GUCY1A1: variants seen among roughly 807,000 people sequenced by gnomAD.
GUCY1A1 encodes the protein guanylate cyclase soluble subunit alpha-1.
In GUCY1A1, 48 loss-of-function variants were observed where a neutral mutation model predicts 64.5. The observed-to-expected ratio is 0.74, with a 90% CI of 0.59 to 0.95. The LOEUF (loss-of-function observed/expected upper bound fraction) is 0.95. Among genes scored for constraint, GUCY1A1 ranks in the 40% least tolerant of loss-of-function variants. GUCY1A1 has a pLI of 0.00. For synonymous variants in GUCY1A1, 308 were observed against 303.4 expected (o/e 1.02, Z -0.16); for missense variants, 804 against 825.3 (o/e 0.97, Z 0.32).
chr4:155,703,740 T>G lies in GUCY1A1; in HGVS notation c.256-192T>G, dbSNP rs143523844. ...AGATTAGTCTCAGCACATTGCTTCCTCTCCAGTTTGAAAAACACATAGAAA... is the reference window on the plus strand; with the variant it reads ...AGATTAGTCTCAGCACATTGCTTCCGCTCCAGTTTGAAAAACACATAGAAA... On this transcript the variant is annotated intron_variant, in intron 3 of 9. Coordinates refer to ENST00000506455, the MANE Select transcript of GUCY1A1 (RefSeq NM_001130682.3). 1.4e-3 allele frequency among the ~76,000 whole-genome samples: 209 copies of G among 152,246 alleles called. 1 individual carries two copies. Among genetic ancestry groups the G allele is most frequent in the Admixed American group, 4.6e-3 (70 of 15,286 alleles).
chr4:155,706,012 A>C (rs560116041), intron 4 of GUCY1A1, among the ~76,000 whole-genome samples: 33 of 152,140 alleles, frequency 2.2e-4, no homozygotes, highest in Non-Finnish European at 1.8e-4. Context: ...GTTTACTCAA[A>C]ATTTATTCTC....
At chr4:155,678,701 C>G (rs1252044075) in intron 2 of GUCY1A1, among the ~76,000 whole-genome samples, 1 of 152,138 alleles carries the variant, frequency 6.6e-6, no homozygotes, top group Admixed American at 6.5e-5. Flanking sequence ...GCAAGTTTTC[C>G]TGATGATTTG....
chr4:155,671,944 C>A (rs556941224), intron 2 of GUCY1A1, among the ~76,000 whole-genome samples: 2 of 152,020 alleles, frequency 1.3e-5, no homozygotes, highest in East Asian at 3.9e-4. Flanking sequence ...AGAGGACTGT[C>A]CTCTGATATA....
chr4:155,721,938 G>A, intron 8 of GUCY1A1, 100 bp from the exon 9 acceptor site: 8 of 840,080 alleles, frequency 9.5e-6, no homozygotes, highest in Middle Eastern at 4.6e-4. Context: ...GGTGTCCTGA[G>A]GGTGAATGGT....
At chr4:155,685,603 G>GTTTTTT (rs70954055) in intron 2 of GUCY1A1, among the ~76,000 whole-genome samples, 97 of 108,754 alleles carry the variant, frequency 8.9e-4, no homozygotes, top group Admixed American at 1.3e-3. Flanking sequence ...TTCTCCTTGT[G>GTTTTTT]TTTTTTTTTT....
chr4:155,712,380 C>T (rs1430714612), intron 6 of GUCY1A1, among the ~76,000 whole-genome samples: 1 of 152,162 alleles, frequency 6.6e-6, no homozygotes, highest in African/African-American at 2.4e-5. Flanking sequence ...GATCCATCCG[C>T]CTCGTTCTCC....
intron 9 of GUCY1A1, among the ~76,000 whole-genome samples, chr4:155,728,785 C>T (rs1735112187): frequency 6.6e-6 from 1 of 151,750 alleles, no homozygotes; most frequent in Non-Finnish European, 1.5e-5. Flanking sequence ...CACAACTGTC[C>T]TAAGGAATAT....
Position 155,695,526 on chromosome 4 carries a change from G to A in GUCY1A1, c.-112-1230G>A, listed in dbSNP as rs1730301430. ...CTAAGTTGATTAACAAAGCCCGATTGTGTAGAAACTGCTCTAATTTAGTAA... is the reference window on the plus strand; with the variant it reads ...CTAAGTTGATTAACAAAGCCCGATTATGTAGAAACTGCTCTAATTTAGTAA... On this transcript the variant is annotated intron_variant, in intron 2 of 9. Coordinates refer to ENST00000506455, the MANE Select transcript of GUCY1A1 (RefSeq NM_001130682.3). 1.3e-5 allele frequency among the ~76,000 whole-genome samples: 2 copies of A among 152,160 alleles called. 1 individual carries two copies. The highest frequency in any genetic ancestry group is 4.8e-5 in the African/African-American group (2 of 41,436).
intron 5 of GUCY1A1, among the ~76,000 whole-genome samples, chr4:155,708,732 C>G (rs754875479): frequency 1.3e-5 from 2 of 152,096 alleles, no homozygotes; most frequent in African/African-American, 2.4e-5. Context: ...GCTGTCCTTT[C>G]CAAAGTTTCA....
At chr4:155,686,476 G>A (rs144043950) in intron 2 of GUCY1A1, among the ~76,000 whole-genome samples, 1,579 of 152,228 alleles carry the variant, frequency 0.01, 28 homozygotes, top group African/African-American at 0.036. Flanking sequence ...GCGAGACTCC[G>A]TCTCAAAAAA....
At chr4:155,697,218 TC>T (rs1171300559) in intron 3 of GUCY1A1, 96 bp downstream of exon 3, 2 of 850,644 alleles carry the variant, frequency 2.4e-6, no homozygotes, top group Non-Finnish European at 3.8e-6. Flanking sequence ...TTTCTCACTT[TC>T]AAGGCTACAA....
rs112225238 is a variant in GUCY1A1, at chr4:155,709,286, G to C, written c.376+992G>C. 7.4e-3 allele frequency among the ~76,000 whole-genome samples: 1,121 copies of C among 152,158 alleles called. 12 individuals are homozygous for C. Among genetic ancestry groups the C allele is most frequent in the African/African-American group, 0.023 (939 of 41,514 alleles). On this transcript the variant is annotated intron_variant, in intron 5 of 9. Transcript: ENST00000506455. ...TCTCAAAGAGTCTTTCTTATAAGACGGCCTGACCCAAACCAAGACTCCTTT... is the reference window on the plus strand; with the variant it reads ...TCTCAAAGAGTCTTTCTTATAAGACCGCCTGACCCAAACCAAGACTCCTTT...
intron 3 of GUCY1A1, among the ~76,000 whole-genome samples, chr4:155,702,305 G>T (rs1478276684): frequency 1.3e-5 from 2 of 152,008 alleles, no homozygotes; most frequent in African/African-American, 4.8e-5. Flanking sequence ...AGCCACTCAT[G>T]CTTTCATGGA....
chr4:155,706,133 A>AT (rs1281996801), intron 4 of GUCY1A1, among the ~76,000 whole-genome samples: 1 of 152,094 alleles, frequency 6.6e-6, no homozygotes, highest in African/African-American at 2.4e-5. Flanking sequence ...AACAATAATT[A>AT]TTTTTTTGAA....
intron 4 of GUCY1A1, among the ~76,000 whole-genome samples, chr4:155,705,024 C>T (rs894981544): frequency 6.6e-6 from 1 of 152,220 alleles, no homozygotes; most frequent in Non-Finnish European, 1.5e-5. Context: ...GCTGGGACTA[C>T]AGGCATGTGC....
rs558730192 is a variant in GUCY1A1, at chr4:155,680,373, G to A, written c.-113+12954G>A. Reference sequence around the variant, plus strand: ...TAATGGAATTTTGTATATCAGTCTTGTATCCTGAAACATTGCTTAATTTAC... The same window carrying A: ...TAATGGAATTTTGTATATCAGTCTTATATCCTGAAACATTGCTTAATTTAC... On this transcript the variant is annotated intron_variant, in intron 2 of 9. Coordinates refer to ENST00000506455, the MANE Select transcript of GUCY1A1 (RefSeq NM_001130682.3). 2.0e-3 allele frequency among the ~76,000 whole-genome samples: 309 copies of A among 152,160 alleles called. 5 individuals carry two copies. The South Asian group carries it at 0.023, about 11-fold the overall frequency.
At chr4:155,725,795 G>A (rs529195972) in intron 9 of GUCY1A1, among the ~76,000 whole-genome samples, 2 of 152,122 alleles carry the variant, frequency 1.3e-5, no homozygotes, top group South Asian at 4.1e-4. Context: ...ACAGGACAAT[G>A]CTCATGACTT....
chr4:155,701,434 G>A lies in GUCY1A1; in HGVS notation c.256-2498G>A, dbSNP rs544185865. On this transcript the variant is annotated intron_variant, in intron 3 of 9. Coordinates refer to ENST00000506455, the MANE Select transcript of GUCY1A1 (RefSeq NM_001130682.3). ...TACAATGATAGTGTATACGTTAGGA[G>A]GAAAAGACCAGAAAAAGACATTTCT... Among the ~76,000 whole-genome samples, 4 of 152,100 alleles carry A rather than the reference G, an allele frequency of 2.6e-5. No homozygotes were observed. The East Asian group carries it at 7.7e-4, about 29-fold the overall frequency.
At chr4:155,722,939 T>A (rs774053704) in intron 9 of GUCY1A1, among the ~76,000 whole-genome samples, 5 of 152,004 alleles carry the variant, frequency 3.3e-5, no homozygotes, top group Non-Finnish European at 5.9e-5. Flanking sequence ...TTGTTTTCAT[T>A]ATGTAGGCAT....
Sources: gnomAD v4.1 joint callset for allele counts (sites outside exome capture counted in the v4.1 genomes callset) on GRCh38, gnomAD v4.1.1 for gene constraint, MANE v1.5 for transcripts, NCBI Gene and HGNC (gene_info 2026-07-23, HGNC 2026-07-21) for gene names.